JADE2: variants seen among roughly 807,000 people sequenced by gnomAD.
The protein encoded by JADE2 is E3 ubiquitin-protein ligase Jade-2.
Under a neutral mutation model 85.7 loss-of-function variants are expected in JADE2, and 13 were observed. The ratio of observed to expected loss-of-function variants is 0.15; its 90% CI spans 0.10 to 0.24. The LOEUF (loss-of-function observed/expected upper bound fraction) is 0.24. Among genes scored for constraint, JADE2 ranks in the 10% least tolerant of loss-of-function variants. The pLI is 1.00. For missense variants in JADE2, 846 were observed against 1,115.9 expected, an observed-to-expected ratio of 0.76 and a Z score of 3.45; for synonymous variants, 440 against 456.1, an observed-to-expected ratio of 0.96 and a Z score of 0.45.
At chr5:134,560,074 C>T in intron 5 of JADE2, 84 bp downstream of exon 5, 1 of 1,493,414 alleles carries the variant, frequency 6.7e-7, no homozygotes, top group Non-Finnish European at 9.3e-7. Flanking sequence ...GTGGCCCAGG[C>T]AGGGCTATGG....
chr5:134,526,021 A>G lies in JADE2; in HGVS notation c.-1+10A>G, dbSNP rs1760786529. ...GGCACCGCGGAGCAAGGTAAGATCC[A>G]GCCCCCGGCGGATGGGCCCTGCGCA... is the stretch of plus-strand genomic sequence containing the variant. On this transcript the variant is annotated intron_variant, in intron 1 of 11. Coordinates refer to ENST00000681547, the MANE Select transcript of JADE2 (RefSeq NM_001388185.1). 1 of 985,386 alleles carries G rather than the reference A, an allele frequency of 1.0e-6. No individual in the cohort carries two copies. 61.0% of individuals were successfully genotyped at this position (985,386 alleles called of 1,614,324 possible).
At chr5:134,553,611 C>A (rs980878738) in intron 4 of JADE2, among the ~76,000 whole-genome samples, 1 of 152,200 alleles carries the variant, frequency 6.6e-6, no homozygotes, top group African/African-American at 2.4e-5. Flanking sequence ...CTCGGCCTCC[C>A]AAAGTGCTGG....
chr5:134,556,433 A>AAC lies in JADE2; in HGVS notation c.312-3384_312-3383dup, dbSNP rs756790070. ...CTCAACACACACACACACATCACAC[A>AAC]ACACACACACACACCACACACACAC... On this transcript the variant is annotated intron_variant, in intron 4 of 11. Transcript: ENST00000681547. Among the ~76,000 whole-genome samples the AAC allele has an allele frequency of 4.9e-3, 732 of 148,232 alleles. 7 individuals carry two copies. The highest frequency in any genetic ancestry group is 0.017 in the African/African-American group (663 of 40,080).
At position 134,573,899 on chromosome 5, in the gene JADE2, C is replaced by A. The variant is rs780706886; in HGVS notation, c.1552+137C>A. On this transcript the variant is annotated intron_variant, in intron 10 of 11. Transcript: ENST00000681547. ...AGGGCCACTGGCCCCCACTCCTACCCTTCACCATCCAATTAGTAGGCCCAG... is the reference window on the plus strand; with the variant it reads ...AGGGCCACTGGCCCCCACTCCTACCATTCACCATCCAATTAGTAGGCCCAG... 4.0e-6 allele frequency: 3 copies of A among 747,348 alleles called. No individual in the cohort carries two copies. The East Asian group carries it at 7.5e-5, about 19-fold the overall frequency. 46.3% of individuals were successfully genotyped at this position (747,348 alleles called of 1,614,324 possible).
Position 134,582,948 on chromosome 5 carries a change from T to G in JADE2, c.*3631T>G, listed in dbSNP as rs1764778491. ...AAGATTCCTTTGTAGAGAAAAAATG[T>G]ATTTTTCATTAACGCAAAGACCTAT... On this transcript the variant is annotated 3_prime_UTR_variant, in exon 12 of 12. Coordinates refer to ENST00000681547, the MANE Select transcript of JADE2 (RefSeq NM_001388185.1). 6.5e-6 allele frequency: 1 copy of G among 152,704 alleles called. No homozygotes were observed. Among genetic ancestry groups the G allele is most frequent in the South Asian group, 2.1e-4 (1 of 4,836 alleles). 9.5% of individuals were successfully genotyped at this position (152,704 alleles called of 1,614,324 possible).
chr5:134,561,544 A>G (rs55849454), intron 6 of JADE2, among the ~76,000 whole-genome samples: 26,597 of 152,092 alleles, frequency 0.17, 2,646 homozygotes, highest in East Asian at 0.35. Context: ...CCAAGGCTCT[A>G]GGTCTTGAGT....
chr5:134,539,508 T>C (rs1385714467), intron 3 of JADE2, among the ~76,000 whole-genome samples: 2 of 152,244 alleles, frequency 1.3e-5, no homozygotes, highest in Non-Finnish European at 2.9e-5. Context: ...CAATCCTGGC[T>C]CTTAAGTAGG....
At chr5:134,525,599 A>ACCCCCC, upstream of JADE2, 1 of 36,166 alleles carries the variant, frequency 2.8e-5, no homozygotes, top group Non-Finnish European at 5.5e-5. Context: ...GCCCGCCCCC[A>ACCCCCC]CCCCACCCCC....
intron 9 of JADE2, among the ~76,000 whole-genome samples, chr5:134,568,231 A>C (rs1763768348): frequency 6.6e-6 from 1 of 152,208 alleles, no homozygotes; most frequent in Non-Finnish European, 1.5e-5. Context: ...AGCCCTGCTG[A>C]GCAGATGAGG....
At position 134,552,036 on chromosome 5, in the gene JADE2, C is replaced by T. The variant is rs372675366; in HGVS notation, c.154-16C>T. On this transcript the variant is annotated splice_polypyrimidine_tract_variant and intron_variant, in intron 3 of 11. Coordinates refer to ENST00000681547, the MANE Select transcript of JADE2 (RefSeq NM_001388185.1). ...AGGCAGTCTGAAGTCACTCTTTCCC[C>T]TCTTGCCCCTCACAGGTTTTCCGGA... 13 of 1,614,160 alleles carry T rather than the reference C, an allele frequency of 8.1e-6. No homozygotes were observed. In the African/African-American group the frequency reaches 1.3e-4, roughly 17 times the overall value.
intron 4 of JADE2, among the ~76,000 whole-genome samples, 193 bp downstream of exon 4, chr5:134,552,402 G>A (rs970269448): frequency 2.0e-5 from 3 of 152,242 alleles, no homozygotes; most frequent in Admixed American, 2.0e-4. Flanking sequence ...CTAGGGGGTT[G>A]GGCTCGGGCT....
At chr5:134,529,916 G>A (rs905835901) in intron 1 of JADE2, among the ~76,000 whole-genome samples, 1 of 152,250 alleles carries the variant, frequency 6.6e-6, no homozygotes, top group African/African-American at 2.4e-5. Flanking sequence ...GGTGGGTGTG[G>A]CAGCGTCTTC....
chr5:134,536,191 G>C (rs1036153894), intron 2 of JADE2, among the ~76,000 whole-genome samples: 1 of 152,060 alleles, frequency 6.6e-6, no homozygotes, highest in Non-Finnish European at 1.5e-5. Context: ...GGAACAGATC[G>C]GCTCCACTCT....
At chr5:134,577,758 C>T (rs774928856) in intron 11 of JADE2, among the ~76,000 whole-genome samples, 9 of 152,158 alleles carry the variant, frequency 5.9e-5, no homozygotes, top group Non-Finnish European at 8.8e-5. Flanking sequence ...CCCAGTCTCC[C>T]GTCTCGCCAG....
chr5:134,573,249 A>G (rs767756903), intron 9 of JADE2, among the ~76,000 whole-genome samples: 2 of 152,188 alleles, frequency 1.3e-5, no homozygotes, highest in Non-Finnish European at 2.9e-5. Context: ...GACCCTGATG[A>G]GTCTGCGGGC....
intron 3 of JADE2, among the ~76,000 whole-genome samples, chr5:134,544,220 AAATC>A (rs1463999055): frequency 6.6e-6 from 1 of 152,242 alleles, no homozygotes; most frequent in Non-Finnish European, 1.5e-5. Context: ...ATGCTGATCA[AAATC>A]AGCAAGTGCT....
chr5:134,552,343 C>T, intron 4 of JADE2, 134 bp downstream of exon 4: 1 of 845,728 alleles, frequency 1.2e-6, no homozygotes, highest in Non-Finnish European at 1.8e-6. Flanking sequence ...TTCCCTTTTC[C>T]AACAAACCAT....
At chr5:134,571,169 A>G (rs1024706007) in intron 9 of JADE2, among the ~76,000 whole-genome samples, 3 of 152,180 alleles carry the variant, frequency 2.0e-5, no homozygotes, top group Non-Finnish European at 4.4e-5. Context: ...GCCAGGTCAC[A>G]TGGCCTTCTC....
chr5:134,532,905 A>C (rs1261303780), intron 1 of JADE2, among the ~76,000 whole-genome samples: 4 of 152,240 alleles, frequency 2.6e-5, no homozygotes, highest in Non-Finnish European at 5.9e-5. Context: ...CTGCACTCAC[A>C]AAACAGTGGC....
Sources: gnomAD v4.1 joint callset for allele counts (sites outside exome capture counted in the v4.1 genomes callset) on GRCh38, gnomAD v4.1.1 for gene constraint, MANE v1.5 for transcripts, NCBI Gene and HGNC (gene_info 2026-07-23, HGNC 2026-07-21) for gene names.